Variants in FAM78A observed in about 807,000 individuals in gnomAD.
FAM78A encodes the protein family with sequence similarity 78 member A, also known as protein FAM78A.
FAM78A carries 12 observed loss-of-function variants against 22.6 expected under a neutral mutation model. The observed-to-expected ratio is 0.53, with a 90% confidence interval of 0.34 to 0.86. The LOEUF (loss-of-function observed/expected upper bound fraction) is 0.86. FAM78A is among the 40% of genes least tolerant of loss of function. The pLI, the probability that FAM78A is intolerant of heterozygous loss-of-function variation, is 0.02. For missense variants in FAM78A, 322 were observed against 396.1 expected, an observed-to-expected ratio of 0.81 and a Z score of 1.59; for synonymous variants, 151 against 155.8, an observed-to-expected ratio of 0.97 and a Z score of 0.23.
chr9:131,272,458 AC>A lies in FAM78A; in HGVS notation c.323+3398del, dbSNP rs1274826685. ...CCCAGCCCCCTACCATGCACAGGAC[AC>A]CCCCCACCAGCACAGACAGAATTAC... On this transcript the variant is annotated intron_variant, in intron 1 of 1. Transcript: ENST00000372271. This position sits in a 1 kb window ranked among gnomAD's most constrained non-coding sequence, Gnocchi z 4.1. Among the ~76,000 whole-genome samples the A allele has an allele frequency of 6.6e-6, 1 of 151,620 alleles. No individual in the cohort carries two copies. The highest frequency in any genetic ancestry group is 1.5e-5 in the Non-Finnish European group (1 of 67,932).
chr9:131,264,473 G>A, intron 1 of FAM78A: 1 of 660,824 alleles, frequency 1.5e-6, no homozygotes, highest in Non-Finnish European at 2.8e-6. Context: ...TACTCGCACT[G>A]TGGTCCAGTC....
Position 131,276,312 on chromosome 9 carries a change from T to A in FAM78A, c.-133A>T. 1.5e-6 allele frequency: 1 copy of A among 681,134 alleles called. No individual in the cohort carries two copies. Among genetic ancestry groups the A allele is most frequent in the Non-Finnish European group, 2.4e-6 (1 of 413,508 alleles). 42.2% of individuals were successfully genotyped at this position (681,134 alleles called of 1,614,324 possible). ...GCATATATCACTACCGCGGCCTGTT[T>A]ATAAATAAGGATTCTGCTGCATTTC... On this transcript the variant is annotated 5_prime_UTR_variant, in exon 1 of 2. An upstream open reading frame in the 5' UTR loses its in-frame stop. Transcript: ENST00000372271. This position sits in a 1 kb window ranked among gnomAD's most constrained non-coding sequence, Gnocchi z 4.3.
At chr9:131,269,623 C>T (rs533803851) in intron 1 of FAM78A, among the ~76,000 whole-genome samples, 75 of 152,132 alleles carry the variant, frequency 4.9e-4, no homozygotes, top group African/African-American at 1.7e-3. Flanking sequence ...ATTAAAGGCA[C>T]GCACCACCAC....
chr9:131,278,695 G>T (rs1398310163), upstream of FAM78A, among the ~76,000 whole-genome samples: 1 of 152,240 alleles, frequency 6.6e-6, no homozygotes, highest in African/African-American at 2.4e-5. Context: ...AGGAGCATGA[G>T]GCTGTACAGC....
At chr9:131,277,303 C>T (rs1835499416), upstream of FAM78A, among the ~76,000 whole-genome samples, 1 of 151,988 alleles carries the variant, frequency 6.6e-6, no homozygotes, top group South Asian at 2.1e-4. This position sits in a 1 kb window ranked among gnomAD's most constrained non-coding sequence, Gnocchi z 8.4. Flanking sequence ...CTTCCCCACC[C>T]CGGTCCCTCC....
intron 1 of FAM78A, among the ~76,000 whole-genome samples, chr9:131,270,032 T>TTAAAAAAAAA (rs1835396769): frequency 9.4e-4 from 32 of 34,124 alleles, no homozygotes; most frequent in African/African-American, 2.8e-3. Context: ...CCATCCCTAC[T>TTAAAAAAAAA]AAAATAAAAA....
intron 1 of FAM78A, among the ~76,000 whole-genome samples, chr9:131,262,188 G>C (rs1013964439): frequency 6.6e-6 from 1 of 151,678 alleles, no homozygotes; most frequent in Non-Finnish European, 1.5e-5. Context: ...AAATTAGTCA[G>C]GCATGGTGAC....
rs1835475063 is a variant in FAM78A at position 131,275,780 on chromosome 9, T to A, written c.323+77A>T. Reference sequence around the variant, plus strand: ...CTTCATGGTATCTCCACCTTCCCCCTATCCGCGGCCCCCCACCAGGCCTCC... The same window carrying A: ...CTTCATGGTATCTCCACCTTCCCCCAATCCGCGGCCCCCCACCAGGCCTCC... On this transcript the variant is annotated intron_variant, in intron 1 of 1. Coordinates refer to ENST00000372271, the MANE Select transcript of FAM78A (RefSeq NM_033387.4). This position sits in a 1 kb window ranked among gnomAD's most constrained non-coding sequence, Gnocchi z 4.6. 6.9e-7 allele frequency: 1 copy of A among 1,445,188 alleles called. No individual in the cohort carries two copies. The highest frequency in any genetic ancestry group is 1.4e-5 in the South Asian group (1 of 72,534). 89.5% of individuals were successfully genotyped at this position (1,445,188 alleles called of 1,614,324 possible).
At chr9:131,270,168 T>C (rs1213647672) in intron 1 of FAM78A, 1 of 665,616 alleles carries the variant, frequency 1.5e-6, no homozygotes, top group Non-Finnish European at 2.8e-6. Context: ...ATCATGCCAC[T>C]GCACTCCAGC....
upstream of FAM78A, among the ~76,000 whole-genome samples, chr9:131,277,327 C>T (rs1054803780): frequency 9.9e-5 from 15 of 152,048 alleles, no homozygotes; most frequent in Non-Finnish European, 1.8e-4. The surrounding 1 kb of genome is among the most constrained non-coding windows in gnomAD (Gnocchi z 8.4). Context: ...TCCCTGGGCG[C>T]AGGGCCACCC....
chr9:131,263,249 A>AAG (rs1447084260), intron 1 of FAM78A, among the ~76,000 whole-genome samples: 1 of 150,870 alleles, frequency 6.6e-6, no homozygotes, highest in Non-Finnish European at 1.5e-5. Context: ...CAAAAAAAAA[A>AAG]AAAAAGAAAA....
chr9:131,266,864 T>C (rs545470605), intron 1 of FAM78A, among the ~76,000 whole-genome samples: 61 of 152,300 alleles, frequency 4.0e-4, no homozygotes, highest in African/African-American at 1.3e-3. Context: ...CAGTGCACGC[T>C]GGGTCTCCCT....
chr9:131,278,294 C>T (rs1475928326), upstream of FAM78A, among the ~76,000 whole-genome samples: 1 of 152,168 alleles, frequency 6.6e-6, no homozygotes. Flanking sequence ...CTCCCAGTGC[C>T]CTTTGAACTC....
intron 1 of FAM78A, among the ~76,000 whole-genome samples, chr9:131,268,168 T>C (rs544903539): frequency 3.0e-4 from 46 of 152,222 alleles, no homozygotes; most frequent in African/African-American, 1.1e-3. Context: ...AAGTTAGGAA[T>C]TATTTTACCT....
intron 1 of FAM78A, chr9:131,270,608 C>G: frequency 1.4e-6 from 1 of 696,730 alleles, no homozygotes; most frequent in Non-Finnish European, 2.7e-6. Flanking sequence ...AAGGACTTCC[C>G]TCTCCCACCC....
intron 1 of FAM78A, among the ~76,000 whole-genome samples, chr9:131,270,747 C>T (rs887254917): frequency 6.6e-6 from 1 of 152,240 alleles, no homozygotes; most frequent in South Asian, 2.1e-4. Context: ...GAAGAGGCCA[C>T]GTGGTCAACA....
At chr9:131,271,896 G>A (rs906489351) in intron 1 of FAM78A, among the ~76,000 whole-genome samples, 1 of 151,896 alleles carries the variant, frequency 6.6e-6, no homozygotes, top group Non-Finnish European at 1.5e-5. Context: ...AATTTGGATG[G>A]GGGGGGTTGG....
rs1835243679 is a variant in FAM78A, at chr9:131,260,210, AC to A, written c.*611del. 6.6e-6 allele frequency: 1 copy of A among 152,514 alleles called. No homozygotes were observed. The highest frequency in any genetic ancestry group is 1.5e-5 in the Non-Finnish European group (1 of 68,028). 9.4% of individuals were successfully genotyped at this position (152,514 alleles called of 1,614,324 possible). ...AGGGCTCAAGAGACTCTCGCGGGCGACCCCAACCCTCCCTCCACCTCTGGCA... is the reference window on the plus strand; with the variant it reads ...AGGGCTCAAGAGACTCTCGCGGGCGACCCAACCCTCCCTCCACCTCTGGCA... On this transcript the variant is annotated 3_prime_UTR_variant, in exon 2 of 2. Coordinates refer to ENST00000372271, the MANE Select transcript of FAM78A (RefSeq NM_033387.4). This position sits in a 1 kb window ranked among gnomAD's most constrained non-coding sequence, Gnocchi z 5.4.
upstream of FAM78A, among the ~76,000 whole-genome samples, chr9:131,280,208 GC>G (rs1236236443): frequency 6.6e-6 from 1 of 152,190 alleles, no homozygotes; most frequent in Non-Finnish European, 1.5e-5. Flanking sequence ...CTCGGCTCCT[GC>G]ATGCACTCCC....
Sources: allele counts gnomAD v4.1 joint callset (sites outside exome capture counted in the v4.1 genomes callset), GRCh38; gene constraint gnomAD v4.1.1; non-coding constraint Gnocchi (gnomAD v3.1); transcripts MANE v1.5; gene names NCBI Gene and HGNC (gene_info 2026-07-23, HGNC 2026-07-21).